ROBO1: variants seen among roughly 807,000 people sequenced by gnomAD.
ROBO1 encodes roundabout guidance receptor 1.
In ROBO1, 149 loss-of-function variants were observed where a neutral mutation model predicts 195.9. The ratio of observed to expected loss-of-function variants is 0.76; its 90% CI spans 0.67 to 0.87. ROBO1 has a LOEUF of 0.87. Among genes scored for constraint, ROBO1 ranks in the 40% least tolerant of loss-of-function variants. ROBO1 has a pLI of 0.00. For missense variants in ROBO1, 1,933 were observed against 2,068.3 expected (o/e 0.93, Z 1.27); for synonymous variants, 816 against 733.2 (o/e 1.11, Z -1.82).
rs2107266064 is a variant in ROBO1 at position 78,882,209 on chromosome 3, G to T, written c.499+56392C>A. Among the ~76,000 whole-genome samples, 4 of 152,246 alleles carry T rather than the reference G, an allele frequency of 2.6e-5. No homozygotes were observed. In the Middle Eastern group the frequency reaches 0.01, roughly 388 times the overall value. ...ATTTGGAGAAGGTGGAACAAGAATG[G>T]CCAATAGAGTCTAGTATGAATGCTA... is the stretch of plus-strand genomic sequence containing the variant. On this transcript the variant is annotated intron_variant, in intron 4 of 30. Transcript: ENST00000464233.
intron 2 of ROBO1, among the ~76,000 whole-genome samples, chr3:79,574,909 A>T (rs1341290124): frequency 6.6e-6 from 1 of 151,290 alleles, no homozygotes; most frequent in Non-Finnish European, 1.5e-5. Flanking sequence ...TGCTTTTTTA[A>T]AACAGACAAA....
chr3:79,620,867 T>G (rs1944986113), intron 1 of ROBO1, among the ~76,000 whole-genome samples: 1 of 152,040 alleles, frequency 6.6e-6, no homozygotes, highest in Non-Finnish European at 1.5e-5. Flanking sequence ...CATGGCCTCT[T>G]AAAGCCTACA....
intron 1 of ROBO1, among the ~76,000 whole-genome samples, chr3:79,726,006 A>G (rs1332200605): frequency 6.6e-6 from 1 of 152,194 alleles, no homozygotes; most frequent in Non-Finnish European, 1.5e-5. Flanking sequence ...CAAGAAGTCA[A>G]ATCATGGAGG....
At chr3:79,493,195 C>A (rs896437805) in intron 2 of ROBO1, among the ~76,000 whole-genome samples, 1 of 151,814 alleles carries the variant, frequency 6.6e-6, no homozygotes, top group Non-Finnish European at 1.5e-5. Context: ...ACATATTATT[C>A]TTGGTTTTAA....
chr3:78,646,192 T>TAAAA lies in ROBO1; in HGVS notation c.2840-3_2840-2insTTTT. The TAAAA allele has an allele frequency of 6.2e-7, 1 of 1,605,918 alleles. No homozygotes were observed. Among genetic ancestry groups the TAAAA allele is most frequent in the Middle Eastern group, 1.7e-4 (1 of 6,010 alleles). On this transcript the variant is annotated splice_region_variant and splice_polypyrimidine_tract_variant and intron_variant, in intron 20 of 30. Transcript: ENST00000464233. ...CTTCGCCTCCTCTCTGGTAAGTTAC[T>TAAAA]AGAATGTTACGAAAAAAAAAAGGAA...
chr3:78,630,735 C>T (rs1705127460), intron 25 of ROBO1, among the ~76,000 whole-genome samples: 2 of 152,114 alleles, frequency 1.3e-5, no homozygotes, highest in Non-Finnish European at 2.9e-5. Flanking sequence ...ACAGAGTTCT[C>T]AGCATAAGGT....
intron 1 of ROBO1, among the ~76,000 whole-genome samples, chr3:79,643,427 T>A (rs1203786601): frequency 6.6e-6 from 1 of 152,170 alleles, no homozygotes; most frequent in Non-Finnish European, 1.5e-5. Flanking sequence ...ATCTATCCTA[T>A]TAGTTCTACC....
At chr3:78,754,591 G>C (rs1334573764) in intron 4 of ROBO1, among the ~76,000 whole-genome samples, 1 of 152,168 alleles carries the variant, frequency 6.6e-6, no homozygotes, top group East Asian at 1.9e-4. Flanking sequence ...CCAAGACACA[G>C]GAGGTATCCA....
chr3:79,253,294 C>T (rs1436937899), intron 2 of ROBO1, among the ~76,000 whole-genome samples: 1 of 152,110 alleles, frequency 6.6e-6, no homozygotes, highest in Non-Finnish European at 1.5e-5. Flanking sequence ...CATTAGAAGA[C>T]CCCAAGGAAA....
chr3:79,540,028 G>A (rs916604881), intron 2 of ROBO1, among the ~76,000 whole-genome samples: 1 of 152,028 alleles, frequency 6.6e-6, no homozygotes, highest in Non-Finnish European at 1.5e-5. Flanking sequence ...GGAGGTTACA[G>A]TGATTCTGGT....
intron 5 of ROBO1, among the ~76,000 whole-genome samples, chr3:78,740,898 A>C (rs958268776): frequency 3.3e-5 from 5 of 152,198 alleles, no homozygotes; most frequent in African/African-American, 4.8e-5. Context: ...TATTGAAAAT[A>C]TACTATTGTT....
chr3:79,192,911 A>G (rs755593837), intron 2 of ROBO1, among the ~76,000 whole-genome samples: 2 of 151,690 alleles, frequency 1.3e-5, no homozygotes, highest in Non-Finnish European at 3.0e-5. Context: ...AGTTTATTAC[A>G]GGTAAGACAT....
intron 18 of ROBO1, among the ~76,000 whole-genome samples, chr3:78,653,627 G>A (rs576247483): frequency 9.1e-4 from 138 of 152,244 alleles, no homozygotes; most frequent in South Asian, 2.5e-3. Flanking sequence ...AACTGCTTCC[G>A]TTATTTCACG....
intron 3 of ROBO1, among the ~76,000 whole-genome samples, chr3:78,953,775 ACT>A (rs908600453): frequency 2.6e-5 from 4 of 151,742 alleles, no homozygotes; most frequent in Non-Finnish European, 5.9e-5. Flanking sequence ...AACTGCTTAA[ACT>A]CTCTGAATAT....
intron 8 of ROBO1, among the ~76,000 whole-genome samples, chr3:78,698,014 T>C (rs1200355863): frequency 5.3e-5 from 8 of 152,182 alleles, no homozygotes; most frequent in Admixed American, 5.2e-4. Flanking sequence ...AGTAGCTAAA[T>C]TCTAATGAAT....
intron 4 of ROBO1, among the ~76,000 whole-genome samples, chr3:78,816,297 G>A (rs2084901175): frequency 6.6e-6 from 1 of 152,074 alleles, no homozygotes; most frequent in Non-Finnish European, 1.5e-5. Context: ...GCCCATTGTT[G>A]AGACCTACTA....
intron 1 of ROBO1, among the ~76,000 whole-genome samples, chr3:79,681,684 C>T (rs1391094934): frequency 6.6e-6 from 1 of 151,710 alleles, no homozygotes; most frequent in South Asian, 2.1e-4. Context: ...AAACTCCTTC[C>T]CAAGGAGATG....
intron 1 of ROBO1, among the ~76,000 whole-genome samples, chr3:79,695,167 T>C (rs772739824): frequency 2.0e-5 from 3 of 151,692 alleles, no homozygotes; most frequent in Non-Finnish European, 4.4e-5. Context: ...GAGGAAAATA[T>C]GAACATCTGA....
intron 3 of ROBO1, among the ~76,000 whole-genome samples, chr3:79,034,783 G>A (rs2078354985): frequency 6.6e-6 from 1 of 152,114 alleles, no homozygotes; most frequent in African/African-American, 2.4e-5. Context: ...AAGTTTATAG[G>A]TAGTGACAAA....
Sources: gnomAD v4.1 joint callset for allele counts (sites outside exome capture counted in the v4.1 genomes callset) on GRCh38, gnomAD v4.1.1 for gene constraint, MANE v1.5 for transcripts, NCBI Gene and HGNC (gene_info 2026-07-23, HGNC 2026-07-21) for gene names.